Variants in GRK4 observed in about 807,000 individuals in gnomAD.
GRK4 encodes the protein G protein-coupled receptor kinase 4.
In GRK4, 73 loss-of-function variants were observed where a neutral mutation model predicts 77.9. That is an observed-to-expected ratio of 0.94 (90% confidence interval 0.78 to 1.14). The LOEUF is 1.14. GRK4 is among the 50% of genes most tolerant of loss of function. GRK4 has a pLI of 0.00. For missense variants in GRK4, 729 were observed against 700.2 expected (o/e 1.04, Z -0.46); for synonymous variants, 257 against 254.4 (o/e 1.01, Z -0.10).
intron 10 of GRK4, among the ~76,000 whole-genome samples, chr4:3,025,387 ATTTTT>A (rs71180111): frequency 8.9e-6 from 1 of 112,222 alleles, no homozygotes; most frequent in Non-Finnish European, 1.8e-5. Context: ...TAGCGATCTA[ATTTTT>A]TTTTTTTTTT....
At chr4:3,004,204 T>G (rs542791739) in intron 4 of GRK4, 27 bp from the exon 5 acceptor site, 1 of 1,416,250 alleles carries the variant, frequency 7.1e-7, no homozygotes, top group South Asian at 1.2e-5. Context: ...CACTAATGGT[T>G]ATGTATTTGG....
intron 4 of GRK4, among the ~76,000 whole-genome samples, chr4:2,995,258 A>G (rs755629407): frequency 6.6e-6 from 1 of 152,068 alleles, no homozygotes; most frequent in Non-Finnish European, 1.5e-5. Flanking sequence ...GTGCATGGAG[A>G]CTGGGTAATT....
intron 4 of GRK4, among the ~76,000 whole-genome samples, chr4:3,000,385 T>A (rs182575595): frequency 6.6e-6 from 1 of 152,248 alleles, no homozygotes; most frequent in Admixed American, 6.5e-5. Context: ...AACCTGCTAT[T>A]TAGTTTCAGA....
intron 4 of GRK4, among the ~76,000 whole-genome samples, chr4:3,002,866 G>T (rs1376826549): frequency 6.6e-6 from 1 of 152,134 alleles, no homozygotes; most frequent in Non-Finnish European, 1.5e-5. Context: ...CCATTTGCAT[G>T]AGGAAAAAGA....
chr4:3,035,567 C>T lies in GRK4; in HGVS notation c.1407+44C>T, dbSNP rs955016864. The T allele has an allele frequency of 1.2e-5, 18 of 1,552,956 alleles. No individual in the cohort carries two copies. In the African/African-American group the frequency reaches 1.8e-4, roughly 16 times the overall value. ...CGAGCAGGGCCCTAGGAACAGTGATCCGCACAGCACGGTTTTTCTCTTTCT... is the reference window on the plus strand; with the variant it reads ...CGAGCAGGGCCCTAGGAACAGTGATTCGCACAGCACGGTTTTTCTCTTTCT... On this transcript the variant is annotated intron_variant, in intron 13 of 15. Coordinates refer to ENST00000398052, the MANE Select transcript of GRK4 (RefSeq NM_182982.3).
intron 6 of GRK4, among the ~76,000 whole-genome samples, chr4:3,008,669 G>A (rs1560443752): frequency 6.6e-6 from 1 of 152,020 alleles, no homozygotes; most frequent in Admixed American, 6.6e-5. Flanking sequence ...AGGCACGGTG[G>A]CATGCACCTG....
rs141687000 is a variant in GRK4, at chr4:3,009,699, C to T, written c.588C>T (p.Gly196=). 6.2e-6 allele frequency: 10 copies of T among 1,613,294 alleles called. No individual in the cohort carries two copies. The highest frequency in any genetic ancestry group is 3.3e-5 in the Admixed American group (2 of 59,990). ...GACATTACAGAGTTCTAGGAAAAGG[C>T]GGATTTGGAGAGGTGAGTAACGGGA... ...TFRHYRVLGK[G]GFGEVCACQV... is the part of the protein sequence containing the mutation. The change falls in exon 7 of 16, where the codon GGC becomes GGT. Residue 196 remains glycine, a synonymous_variant. Coordinates refer to ENST00000398052, the MANE Select transcript of GRK4 (RefSeq NM_182982.3).
intron 10 of GRK4, among the ~76,000 whole-genome samples, chr4:3,022,960 G>T (rs1022672856): frequency 6.6e-6 from 1 of 152,182 alleles, no homozygotes; most frequent in Admixed American, 6.5e-5. Context: ...AAGCACTAGG[G>T]TTACAGGCAT....
At chr4:2,976,241 T>G (rs1721125362) in intron 1 of GRK4, among the ~76,000 whole-genome samples, 1 of 152,010 alleles carries the variant, frequency 6.6e-6, no homozygotes, top group Non-Finnish European at 1.5e-5. Context: ...TTGTTTTTTT[T>G]TCCCTCTCTT....
At chr4:3,028,724 T>C (rs918252655) in intron 11 of GRK4, among the ~76,000 whole-genome samples, 1 of 152,198 alleles carries the variant, frequency 6.6e-6, no homozygotes. Flanking sequence ...TACAACGGAT[T>C]TTAGTATTTT....
At chr4:3,001,073 C>CTATATATA (rs368506630) in intron 4 of GRK4, among the ~76,000 whole-genome samples, 4 of 76,124 alleles carry the variant, frequency 5.3e-5, no homozygotes, top group African/African-American at 2.0e-4. Context: ...CTAAATGAGA[C>CTATATATA]TATATATATA....
At chr4:2,986,388 C>T (rs1423728962) in intron 2 of GRK4, among the ~76,000 whole-genome samples, 24 of 123,944 alleles carry the variant, frequency 1.9e-4, no homozygotes, top group African/African-American at 1.9e-4. Context: ...GACAGAGTCT[C>T]GCTGTGTCGC....
At chr4:2,988,498 G>C (rs113314385) in intron 2 of GRK4, among the ~76,000 whole-genome samples, 2,007 of 152,262 alleles carry the variant, frequency 0.013, 21 homozygotes, top group African/African-American at 0.034. Context: ...CTGAACCCGG[G>C]AGGCAGAGGC....
At chr4:3,014,564 AGGGTG>A (rs1733909217) in intron 8 of GRK4, among the ~76,000 whole-genome samples, 1 of 151,752 alleles carries the variant, frequency 6.6e-6, no homozygotes, top group Non-Finnish European at 1.5e-5. Flanking sequence ...GAGGCCAAGG[AGGGTG>A]GATCACCTGA....
intron 12 of GRK4, among the ~76,000 whole-genome samples, chr4:3,032,361 C>T (rs1297936150): frequency 7.3e-5 from 11 of 151,270 alleles, no homozygotes; most frequent in Non-Finnish European, 2.9e-5. Context: ...GCCTGTAATC[C>T]CAGGTACTCG....
At chr4:3,019,096 C>T (rs1735351719) in intron 8 of GRK4, among the ~76,000 whole-genome samples, 1 of 152,016 alleles carries the variant, frequency 6.6e-6, no homozygotes, top group African/African-American at 2.4e-5. Flanking sequence ...ATAGACTAGG[C>T]ATTTCACAAA....
At chr4:3,023,422 T>A (rs1015384465) in intron 10 of GRK4, among the ~76,000 whole-genome samples, 9 of 152,196 alleles carry the variant, frequency 5.9e-5, no homozygotes, top group African/African-American at 2.2e-4. Flanking sequence ...GCAAGGTCAG[T>A]GGCTCCTGCC....
chr4:2,964,018 C>T lies in GRK4; in HGVS notation c.-53C>T, dbSNP rs1278848619. 6.4e-7 allele frequency: 1 copy of T among 1,555,148 alleles called. No homozygotes were observed. Among genetic ancestry groups the T allele is most frequent in the South Asian group, 1.1e-5 (1 of 87,320 alleles). On this transcript the variant is annotated 5_prime_UTR_variant, in exon 1 of 16. Transcript: ENST00000398052. ...GCGGCGGCGTCTCCTCCTGTTCCGC[C>T]TCCTCAGTCTCCTCGGTCTCGCAGA...
intron 10 of GRK4, among the ~76,000 whole-genome samples, chr4:3,027,214 A>T (rs1737829753): frequency 6.6e-6 from 1 of 152,032 alleles, no homozygotes; most frequent in African/African-American, 2.4e-5. Flanking sequence ...TAATTTTTTT[A>T]AAAATCTTTT....
Sources: gnomAD v4.1 joint callset for allele counts (sites outside exome capture counted in the v4.1 genomes callset) on GRCh38, gnomAD v4.1.1 for gene constraint, MANE v1.5 for transcripts, NCBI Gene and HGNC (gene_info 2026-07-23, HGNC 2026-07-21) for gene names.